The following CLEC16A variants were observed in gnomAD, a reference collection of about 807,000 sequenced individuals.
The protein encoded by CLEC16A is C-type lectin domain containing 16A.
In CLEC16A, 51 loss-of-function variants were observed where a neutral mutation model predicts 109.5. That is an observed-to-expected ratio of 0.47 (90% CI 0.37 to 0.59). The LOEUF (loss-of-function observed/expected upper bound fraction) is 0.59, where lower values mean the gene tolerates loss of function less well. CLEC16A is among the 20% of genes least tolerant of loss of function. CLEC16A has a pLI of 0.00. For missense variants in CLEC16A, 1,339 were observed against 1,394.0 expected, an observed-to-expected ratio of 0.96 and a Z score of 0.63; for synonymous variants, 673 against 564.2, an observed-to-expected ratio of 1.19 and a Z score of -2.73.
intron 18 of CLEC16A, among the ~76,000 whole-genome samples, chr16:11,052,161 T>C (rs967797851): frequency 6.6e-6 from 1 of 152,158 alleles, no homozygotes; most frequent in Non-Finnish European, 1.5e-5. Flanking sequence ...GTGCTTCCGT[T>C]ATCAGCCCTT....
chr16:11,044,242 CTT>C, intron 16 of CLEC16A, 170 bp downstream of exon 16: 1 of 482,404 alleles, frequency 2.1e-6, no homozygotes, highest in East Asian at 3.5e-5. Flanking sequence ...AATATCTAAA[CTT>C]TTCTGTCCAA....
intron 11 of CLEC16A, among the ~76,000 whole-genome samples, chr16:11,017,493 G>A (rs1001669037): frequency 7.9e-5 from 12 of 152,186 alleles, no homozygotes; most frequent in Admixed American, 1.3e-4. Context: ...GGAGATACGC[G>A]AAGACGTTTC....
intron 22 of CLEC16A, among the ~76,000 whole-genome samples, chr16:11,163,611 G>A (rs1339489605): frequency 1.3e-5 from 2 of 152,178 alleles, no homozygotes; most frequent in African/African-American, 4.8e-5. Flanking sequence ...CTTCTCATCT[G>A]CTACCCTACA....
At chr16:11,090,269 T>C (rs1335181924) in intron 19 of CLEC16A, among the ~76,000 whole-genome samples, 1 of 152,192 alleles carries the variant, frequency 6.6e-6, no homozygotes, top group Non-Finnish European at 1.5e-5. Flanking sequence ...TTGCCCAGTC[T>C]GGTCTCGAAC....
chr16:10,993,517 G>T (rs1279240107), intron 10 of CLEC16A, among the ~76,000 whole-genome samples: 1 of 152,202 alleles, frequency 6.6e-6, no homozygotes, highest in Admixed American at 6.5e-5. Flanking sequence ...GTTCCTTTGG[G>T]ATTGCAGGTG....
intron 12 of CLEC16A, among the ~76,000 whole-genome samples, chr16:11,023,443 A>G (rs2046235123): frequency 6.6e-6 from 1 of 152,144 alleles, no homozygotes; most frequent in East Asian, 1.9e-4. Flanking sequence ...CAAAACCCAA[A>G]TCTACACATG....
intron 23 of CLEC16A, 109 bp downstream of exon 23, chr16:11,166,661 G>C: frequency 8.7e-7 from 1 of 1,151,428 alleles, no homozygotes; most frequent in Non-Finnish European, 1.2e-6. Context: ...GCACTTGAAG[G>C]ATGATGCCGC....
At chr16:11,082,699 A>C (rs921697457) in intron 19 of CLEC16A, among the ~76,000 whole-genome samples, 2 of 152,210 alleles carry the variant, frequency 1.3e-5, no homozygotes, top group East Asian at 3.8e-4. Flanking sequence ...CTCTTCTGGA[A>C]GGAAAGGAAC....
At chr16:11,066,136 C>T (rs2048742501) in intron 19 of CLEC16A, among the ~76,000 whole-genome samples, 2 of 152,218 alleles carry the variant, frequency 1.3e-5, no homozygotes, top group African/African-American at 4.8e-5. Flanking sequence ...AACTGAGTCT[C>T]CCGGCACTTC....
intron 19 of CLEC16A, among the ~76,000 whole-genome samples, chr16:11,089,514 C>G (rs1025546632): frequency 3.3e-5 from 5 of 152,164 alleles, no homozygotes; most frequent in African/African-American, 9.7e-5. Flanking sequence ...TCAAATTGCC[C>G]TCCATAAAAG....
Position 11,126,428 on chromosome 16 carries a change from TG to T in CLEC16A, c.2641+284del. The T allele has an allele frequency of 4.3e-6, 6 of 1,398,534 alleles. No individual in the cohort carries two copies. The South Asian group carries it at 7.8e-5, about 18-fold the overall frequency. 86.6% of individuals were successfully genotyped at this position (1,398,534 alleles called of 1,614,324 possible). On this transcript the variant is annotated intron_variant, in intron 22 of 23. Coordinates refer to ENST00000409790, the MANE Select transcript of CLEC16A (RefSeq NM_015226.3). The stretch of plus-strand genomic sequence containing the variant: ...ACTAAGAATTTTCTTGGAAATTTCT[TG>T]GAAACATTTAAATGATTAGTGCTGA...
chr16:11,120,668 C>T lies in CLEC16A; in HGVS notation c.2170C>T (p.Gln724Ter). 1.2e-6 allele frequency: 2 copies of T among 1,613,002 alleles called. No homozygotes were observed. The highest frequency in any genetic ancestry group is 1.7e-6 in the Non-Finnish European group (2 of 1,179,494). ...TVITKDGGMV[Q>*]RFLAVDIYQM... ...GATCACCAAGGATGGCGGCATGGTC[C>T]AGCGATTCCTGGCTGTGGATATTTA... is the stretch of plus-strand genomic sequence containing the variant. The change falls in exon 20 of 24, where the codon CAG (glutamine) becomes TAG (stop). Residue 724 changes from glutamine to a stop codon, truncating the protein, a stop_gained. Transcript: ENST00000409790. LOFTEE classifies it high-confidence loss of function.
chr16:11,104,592 A>C (rs2051109490), intron 19 of CLEC16A, among the ~76,000 whole-genome samples: 1 of 152,184 alleles, frequency 6.6e-6, no homozygotes, highest in Non-Finnish European at 1.5e-5. Context: ...GAGAAGATGT[A>C]GCCCCATCTT....
intron 19 of CLEC16A, among the ~76,000 whole-genome samples, chr16:11,098,972 C>T (rs1382355890): frequency 6.6e-6 from 1 of 152,222 alleles, no homozygotes; most frequent in Non-Finnish European, 1.5e-5. Flanking sequence ...TGTGGCACCC[C>T]ATGCCCATTG....
intron 19 of CLEC16A, among the ~76,000 whole-genome samples, chr16:11,099,437 G>C (rs542007562): frequency 6.6e-6 from 1 of 152,310 alleles, no homozygotes; most frequent in East Asian, 1.9e-4. Context: ...GCAAGACAAC[G>C]GAAAAAGGAT....
chr16:10,970,499 G>A (rs1237867305), intron 4 of CLEC16A, among the ~76,000 whole-genome samples: 3 of 152,206 alleles, frequency 2.0e-5, no homozygotes, highest in Admixed American at 2.0e-4. Context: ...ATACTGCATT[G>A]CACAGGTTAG....
intron 6 of CLEC16A, 71 bp from the exon 7 acceptor site, chr16:10,972,867 G>GTTTTTTT: frequency 1.6e-6 from 2 of 1,280,800 alleles, no homozygotes; most frequent in African/African-American, 1.6e-5. Flanking sequence ...CTTTGTTTTT[G>GTTTTTTT]TTTTTTTTTT....
At chr16:11,128,344 G>A (rs189482979) in intron 22 of CLEC16A, among the ~76,000 whole-genome samples, 88 of 152,372 alleles carry the variant, frequency 5.8e-4, no homozygotes, top group African/African-American at 2.0e-3. Flanking sequence ...TCAAATGCCA[G>A]GAGTGTGGCC....
chr16:11,017,190 G>A (rs1047782855), intron 11 of CLEC16A, among the ~76,000 whole-genome samples: 15 of 152,210 alleles, frequency 9.9e-5, no homozygotes, highest in Admixed American at 5.2e-4. Context: ...ATTGCCACTC[G>A]GGCCCGCTGC....
Sources: gnomAD v4.1 joint callset for allele counts (sites outside exome capture counted in the v4.1 genomes callset) on GRCh38, gnomAD v4.1.1 for gene constraint, MANE v1.5 for transcripts, NCBI Gene and HGNC (gene_info 2026-07-23, HGNC 2026-07-21) for gene names.